Variants in SLC35F4 observed in about 807,000 individuals in gnomAD.
SLC35F4 encodes solute carrier family 35 member F4, also known as chromosome 14 open reading frame 36.
SLC35F4 carries 24 observed loss-of-function variants against 44.2 expected under a neutral mutation model. The ratio of observed to expected loss-of-function variants is 0.54; its 90% confidence interval spans 0.39 to 0.76. The LOEUF is 0.76. SLC35F4 is among the 30% of genes least tolerant of loss of function. SLC35F4 has a pLI of 0.00. For synonymous variants in SLC35F4, 238 were observed against 223.6 expected, an observed-to-expected ratio of 1.06 and a Z score of -0.57; for missense variants, 562 against 586.1, an observed-to-expected ratio of 0.96 and a Z score of 0.42.
At chr14:57,974,517 T>G (rs1881153264), downstream of SLC35F4, among the ~76,000 whole-genome samples, 2 of 152,196 alleles carry the variant, frequency 1.3e-5, no homozygotes, top group African/African-American at 4.8e-5. Context: ...TAGACAAGTA[T>G]CTACCAGCTT....
chr14:57,898,203 A>G (rs1182629140), intron 1 of SLC35F4, among the ~76,000 whole-genome samples: 1 of 152,236 alleles, frequency 6.6e-6, no homozygotes, highest in East Asian at 1.9e-4. Flanking sequence ...CTAGACTAAC[A>G]AGGTGGCAGA....
At chr14:57,664,145 T>C (rs7156125) in intron 1 of SLC35F4, among the ~76,000 whole-genome samples, 31,020 of 152,066 alleles carry the variant, frequency 0.2, 3,373 homozygotes, top group African/African-American at 0.26. Context: ...CATTTACTAA[T>C]CTGCTGATGG....
intron 1 of SLC35F4, among the ~76,000 whole-genome samples, chr14:57,898,962 T>C (rs1486285557): frequency 6.6e-6 from 1 of 152,168 alleles, no homozygotes; most frequent in Admixed American, 6.5e-5. Context: ...CCTATCTTGC[T>C]CCTAGTTGCC....
intron 1 of SLC35F4, among the ~76,000 whole-genome samples, chr14:57,824,918 T>A (rs542738845): frequency 3.3e-5 from 5 of 152,120 alleles, no homozygotes; most frequent in African/African-American, 1.2e-4. Flanking sequence ...TTGATTAATA[T>A]TAAAAAGATC....
chr14:57,907,450 T>G (rs1364174848), intron 1 of SLC35F4, among the ~76,000 whole-genome samples: 1 of 152,126 alleles, frequency 6.6e-6, no homozygotes, highest in East Asian at 1.9e-4. Flanking sequence ...TCCACTTCAG[T>G]TGCCAGGAAA....
At chr14:57,600,616 C>T (rs111806536) in intron 1 of SLC35F4, among the ~76,000 whole-genome samples, 2 of 129,656 alleles carry the variant, frequency 1.5e-5, no homozygotes, top group Non-Finnish European at 3.2e-5. Flanking sequence ...GGCGTGAACC[C>T]GGGAGGCGGA....
chr14:57,879,783 G>A (rs188816028), intron 1 of SLC35F4, among the ~76,000 whole-genome samples: 1 of 152,030 alleles, frequency 6.6e-6, no homozygotes, highest in South Asian at 2.1e-4. Flanking sequence ...TGTGTTGCAA[G>A]GATTATTCAC....
chr14:57,721,229 G>A (rs2140436799), intron 1 of SLC35F4, among the ~76,000 whole-genome samples: 1 of 151,852 alleles, frequency 6.6e-6, no homozygotes, highest in Admixed American at 6.6e-5. Context: ...ATAGTATGGA[G>A]AACACTGATA....
At chr14:57,964,897 G>A (rs1178903585) in intron 1 of SLC35F4, among the ~76,000 whole-genome samples, 4 of 150,574 alleles carry the variant, frequency 2.7e-5, no homozygotes, top group African/African-American at 9.8e-5. Context: ...TGAGATTTTA[G>A]GGGCATCACT....
chr14:57,632,016 T>G (rs1435698586), intron 1 of SLC35F4, among the ~76,000 whole-genome samples: 1 of 152,176 alleles, frequency 6.6e-6, no homozygotes, highest in Non-Finnish European at 1.5e-5. Context: ...AAATACTGTT[T>G]GTGGAATGTG....
intron 1 of SLC35F4, among the ~76,000 whole-genome samples, chr14:57,945,951 C>T (rs891662452): frequency 6.6e-6 from 1 of 151,820 alleles, no homozygotes; most frequent in East Asian, 1.9e-4. Context: ...ATGTCCTTTC[C>T]CTACTTTTTG....
chr14:57,816,353 C>T (rs1210979011), intron 1 of SLC35F4, among the ~76,000 whole-genome samples: 1 of 152,138 alleles, frequency 6.6e-6, no homozygotes, highest in Admixed American at 6.5e-5. Flanking sequence ...GGCACCAACA[C>T]AGGATCCACC....
chr14:57,982,552 G>A (rs1472314483), upstream of SLC35F4, among the ~76,000 whole-genome samples: 1 of 152,032 alleles, frequency 6.6e-6, no homozygotes, highest in Admixed American at 6.5e-5. Context: ...AGAAGCAAAG[G>A]GCAGCTGGGG....
intron 1 of SLC35F4, among the ~76,000 whole-genome samples, chr14:57,887,396 A>C (rs1888672230): frequency 6.6e-6 from 1 of 152,182 alleles, no homozygotes; most frequent in African/African-American, 2.4e-5. Flanking sequence ...CAACTGTTCT[A>C]CAGGTAATAC....
In SLC35F4 at chr14:57,895,875, C is replaced by A. The variant is rs79085851; in HGVS notation, n.282+86038G>T. ...GGCGGGTTTCATGTTCTTTGTGAGCCCCTATACCTGGCATTCTACTACTAA... is the reference window on the plus strand; with the variant it reads ...GGCGGGTTTCATGTTCTTTGTGAGCACCTATACCTGGCATTCTACTACTAA... On this transcript the variant is annotated intron_variant and non_coding_transcript_variant, in intron 1 of 1. Coordinates refer to the SLC35F4 transcript ENST00000556568. Among the ~76,000 whole-genome samples the A allele has an allele frequency of 4.6e-3, 696 of 152,092 alleles. 8 individuals carry two copies. Among genetic ancestry groups the A allele is most frequent in the African/African-American group, 0.016 (666 of 41,498 alleles).
At chr14:57,914,583 C>T (rs62005046) in intron 1 of SLC35F4, among the ~76,000 whole-genome samples, 1 of 151,900 alleles carries the variant, frequency 6.6e-6, no homozygotes, top group Admixed American at 6.6e-5. Context: ...AAAAAAAAAC[C>T]ACAGTCTCTC....
intron 1 of SLC35F4, among the ~76,000 whole-genome samples, chr14:57,947,087 C>T (rs961122645): frequency 3.1e-4 from 47 of 151,366 alleles, no homozygotes; most frequent in South Asian, 1.9e-3. Flanking sequence ...GTTATTTTCA[C>T]GATATTGATT....
intron 1 of SLC35F4, among the ~76,000 whole-genome samples, chr14:57,860,379 G>A (rs925872272): frequency 2.6e-5 from 4 of 152,146 alleles, no homozygotes; most frequent in South Asian, 2.1e-4. Flanking sequence ...GAAGAGAGGC[G>A]AAGTAAATGC....
At position 57,876,889 on chromosome 14, in the gene SLC35F4, C is replaced by T. The variant is rs1595262332; in HGVS notation, n.282+105024G>A. Among the ~76,000 whole-genome samples the T allele has an allele frequency of 2.0e-5, 3 of 152,192 alleles. No homozygotes were observed. In the East Asian group the frequency reaches 5.8e-4, roughly 29 times the overall value. ...AGGGAAGTCTCTGTAAATGATTATTCCTAATGAGGAACTGGTAAATAGCAG... is the reference window on the plus strand; with the variant it reads ...AGGGAAGTCTCTGTAAATGATTATTTCTAATGAGGAACTGGTAAATAGCAG... On this transcript the variant is annotated intron_variant and non_coding_transcript_variant, in intron 1 of 1. Coordinates refer to the SLC35F4 transcript ENST00000556568.
Sources: allele counts gnomAD v4.1 joint callset (sites outside exome capture counted in the v4.1 genomes callset), GRCh38; gene constraint gnomAD v4.1.1; transcripts MANE v1.5; gene names NCBI Gene and HGNC (gene_info 2026-07-23, HGNC 2026-07-21).